Variants in CACNA1D observed in about 807,000 individuals in gnomAD.
The protein encoded by CACNA1D is calcium voltage-gated channel subunit alpha1 D.
CACNA1D carries 55 observed loss-of-function variants against 257.1 expected under a neutral mutation model. That is an observed-to-expected ratio of 0.21 (90% CI 0.17 to 0.27). CACNA1D has a LOEUF of 0.27. Among genes scored for constraint, CACNA1D ranks in the 10% least tolerant of loss-of-function variants. The pLI is 1.00. For missense variants in CACNA1D, 1,876 were observed against 2,784.0 expected (o/e 0.67, Z 7.34); for synonymous variants, 980 against 1,014.9 (o/e 0.97, Z 0.65).
intron 3 of CACNA1D, among the ~76,000 whole-genome samples, chr3:53,506,762 G>C (rs1376731440): frequency 6.6e-6 from 1 of 152,088 alleles, no homozygotes; most frequent in African/African-American, 2.4e-5. Flanking sequence ...TTCTTTCTTG[G>C]CAAATTTAAC....
intron 3 of CACNA1D, among the ~76,000 whole-genome samples, chr3:53,502,004 A>G (rs1351870020): frequency 6.6e-6 from 1 of 151,768 alleles, no homozygotes; most frequent in Admixed American, 6.6e-5. Context: ...ATCTCCACAT[A>G]AGTTTTTGCT....
intron 3 of CACNA1D, among the ~76,000 whole-genome samples, chr3:53,644,283 TAAC>T (rs1187198308): frequency 1.3e-5 from 2 of 152,218 alleles, no homozygotes; most frequent in Non-Finnish European, 2.9e-5. Context: ...TTAAACTAAT[TAAC>T]ATATCTATTA....
At chr3:53,791,260 G>A (rs564829953) in intron 40 of CACNA1D, 5 of 529,290 alleles carry the variant, frequency 9.4e-6, no homozygotes, top group African/African-American at 1.9e-5. Context: ...GTTCTTTTTC[G>A]TGAAAGGGAA....
chr3:53,678,600 G>A (rs955924183), intron 8 of CACNA1D, among the ~76,000 whole-genome samples: 2 of 152,044 alleles, frequency 1.3e-5, no homozygotes, highest in Admixed American at 6.5e-5. Context: ...TTTGAATCTC[G>A]CCTCCTACAT....
chr3:53,680,779 A>C (rs541794126), intron 8 of CACNA1D, among the ~76,000 whole-genome samples: 1 of 152,368 alleles, frequency 6.6e-6, no homozygotes, highest in East Asian at 1.9e-4. Flanking sequence ...GTGAGAAACA[A>C]ATTGATGATT....
chr3:53,572,946 C>T (rs1054352476), intron 3 of CACNA1D, among the ~76,000 whole-genome samples: 1 of 152,342 alleles, frequency 6.6e-6, no homozygotes, highest in Non-Finnish European at 1.5e-5. Context: ...CTCTCTCCTG[C>T]AACCCTGTCC....
At chr3:53,600,035 T>C (rs536699375) in intron 3 of CACNA1D, among the ~76,000 whole-genome samples, 4 of 152,380 alleles carry the variant, frequency 2.6e-5, no homozygotes, top group African/African-American at 9.6e-5. Flanking sequence ...CTTGAGATAT[T>C]CTGCAGATAC....
In CACNA1D at chr3:53,774,621, A is replaced by G. The variant is rs1487699846; in HGVS notation, c.4145A>G (p.Gln1382Arg). 2 of 1,612,088 alleles carry G rather than the reference A, an allele frequency of 1.2e-6. No homozygotes were observed. Among genetic ancestry groups the G allele is most frequent in the South Asian group, 1.1e-5 (1 of 91,042 alleles). ...FGKVAMRDNN[Q>R]INRNNNFQTF... ...AAAGTTGCCATGAGAGATAACAACC[A>G]GATCAATAGGAACAATAACTTCCAG... The change falls in exon 34 of 48, where the codon CAG (glutamine) becomes CGG (arginine). Residue 1382 changes from glutamine (Q) to arginine (R), a missense_variant. Around this residue, in one of 10 missense-constraint regions of CACNA1D, gnomAD observed 204 missense variants for 309.4 expected, o/e 0.66. Transcript: ENST00000350061. This position sits in a 1 kb window ranked among gnomAD's most constrained non-coding sequence, Gnocchi z 4.3.
intron 5 of CACNA1D, among the ~76,000 whole-genome samples, chr3:53,662,537 A>G (rs1031781120): frequency 4.6e-5 from 7 of 152,238 alleles, no homozygotes; most frequent in Non-Finnish European, 7.3e-5. Context: ...GTCTACCTGC[A>G]TCTTTTAGAC....
chr3:53,632,771 A>T (rs61683996), intron 3 of CACNA1D, among the ~76,000 whole-genome samples: 3,001 of 152,338 alleles, frequency 0.02, 101 homozygotes, highest in African/African-American at 0.068. Flanking sequence ...GATGGAGAAC[A>T]GCTGGTTGGT....
intron 4 of CACNA1D, 45 bp downstream of exon 4, chr3:53,650,963 A>C: frequency 8.1e-6 from 10 of 1,236,066 alleles, no homozygotes; most frequent in Non-Finnish European, 1.2e-5. Context: ...GGAAAATGGG[A>C]GGTGGAGGTT....
At position 53,800,615 on chromosome 3, in the gene CACNA1D, G is replaced by A. The variant is rs1052880228; in HGVS notation, c.5040+250G>A. On this transcript the variant is annotated intron_variant, in intron 41 of 47. Transcript: ENST00000350061. This position sits in a 1 kb window ranked among gnomAD's most constrained non-coding sequence, Gnocchi z 4.3. ...CTCACTGCCTGCTTCTGAGGAGCTC[G>A]GCCACAGCCGCTGGCCCTGTGGATG... is the stretch of plus-strand genomic sequence containing the variant. The A allele has an allele frequency of 2.5e-5, 14 of 553,088 alleles. No individual in the cohort carries two copies. The Admixed American group carries it at 2.7e-4, about 11-fold the overall frequency. The allele number at this position is 553,088 out of a possible 1,614,324, so 34.3% of individuals were successfully genotyped here.
In CACNA1D at chr3:53,571,128, G is replaced by A. The variant is rs78379027; in HGVS notation, c.483+69408G>A. On this transcript the variant is annotated intron_variant, in intron 3 of 47. Transcript: ENST00000350061. Reference sequence around the variant, plus strand: ...GTCAAGGCAGGGGGTTCTTAAGTGGGGAGGGCAGGAAAGGGAGTTTAGGAT... The same window carrying A: ...GTCAAGGCAGGGGGTTCTTAAGTGGAGAGGGCAGGAAAGGGAGTTTAGGAT... Among the ~76,000 whole-genome samples, 1,332 of 152,318 alleles carry A rather than the reference G, an allele frequency of 8.7e-3. 27 individuals are homozygous for A. Among genetic ancestry groups the A allele is most frequent in the African/African-American group, 0.03 (1,261 of 41,562 alleles).
chr3:53,775,303 G>A (rs554192902), intron 34 of CACNA1D, among the ~76,000 whole-genome samples: 2 of 152,306 alleles, frequency 1.3e-5, no homozygotes, highest in East Asian at 1.9e-4. Context: ...TAGGCCAGGT[G>A]CAGTGGCTCA....
chr3:53,749,508 C>A, intron 27 of CACNA1D, 39 bp downstream of exon 27: 2 of 1,448,706 alleles, frequency 1.4e-6, no homozygotes, highest in South Asian at 2.3e-5. Context: ...GTCCCTTGGT[C>A]AGGAGCGGAG....
At chr3:53,799,898 C>T (rs1347786490) in intron 40 of CACNA1D, 2 of 362,562 alleles carry the variant, frequency 5.5e-6, no homozygotes, top group Non-Finnish European at 1.1e-5. Context: ...AGATAGGGCT[C>T]TTGTAGGCGA....
chr3:53,571,670 G>C (rs1160866605), intron 3 of CACNA1D, among the ~76,000 whole-genome samples: 2 of 152,086 alleles, frequency 1.3e-5, no homozygotes, highest in African/African-American at 2.4e-5. Flanking sequence ...TTCTCCATAG[G>C]AACCAAACCT....
intron 5 of CACNA1D, among the ~76,000 whole-genome samples, chr3:53,663,389 G>C (rs1559484070): frequency 6.6e-6 from 1 of 152,230 alleles, no homozygotes; most frequent in East Asian, 1.9e-4. Context: ...AAGGAAAAGA[G>C]TGAGCAGCAC....
chr3:53,714,938 AT>A (rs3841967), intron 9 of CACNA1D, among the ~76,000 whole-genome samples: 10,407 of 152,280 alleles, frequency 0.068, 713 homozygotes, highest in African/African-American at 0.17. Flanking sequence ...CATTAAAAAA[AT>A]GAATGCCTAA....
Sources: gnomAD v4.1 joint callset for allele counts (sites outside exome capture counted in the v4.1 genomes callset) on GRCh38, gnomAD v4.1.1 for gene constraint, gnomAD v4.1.1 regional missense constraint, Gnocchi (gnomAD v3.1) non-coding constraint, MANE v1.5 for transcripts, NCBI Gene and HGNC (gene_info 2026-07-23, HGNC 2026-07-21) for gene names.